The following SLC7A9 variants were observed in gnomAD, a reference collection of about 807,000 sequenced individuals.
SLC7A9 encodes solute carrier family 7 member 9.
A neutral mutation model predicts 54.1 loss-of-function variants in SLC7A9; 38 were observed. The ratio of observed to expected loss-of-function variants is 0.70; its 90% confidence interval spans 0.54 to 0.92. The LOEUF is 0.92. SLC7A9 is among the 40% of genes least tolerant of loss of function. SLC7A9 has a pLI of 0.00. For synonymous variants in SLC7A9, 264 were observed against 258.9 expected, an observed-to-expected ratio of 1.02 and a Z score of -0.19; for missense variants, 537 against 636.1, an observed-to-expected ratio of 0.84 and a Z score of 1.68.
At position 32,864,589 on chromosome 19, in the gene SLC7A9, C is replaced by A. The variant is rs576147406; in HGVS notation, c.235+40G>T. ...GTAGCAGCTGCCTGGCGTGCCCCTG[C>A]ATGCTTCCGGGGCTGCAACAGGCTC... is the stretch of plus-strand genomic sequence containing the variant. On this transcript the variant is annotated intron_variant, in intron 3 of 12. Transcript: ENST00000023064. 31 of 1,609,342 alleles carry A rather than the reference C, an allele frequency of 1.9e-5. 1 individual carries two copies. The Middle Eastern group carries it at 5.4e-4, about 28-fold the overall frequency.
chr19:32,850,911 C>G (rs907866289), intron 9 of SLC7A9, among the ~76,000 whole-genome samples: 21 of 152,238 alleles, frequency 1.4e-4, no homozygotes, highest in African/African-American at 4.3e-4. Flanking sequence ...CTGACAAAAA[C>G]AAGCAATGGG....
chr19:32,832,667 T>C, intron 12 of SLC7A9: 1 of 175,416 alleles, frequency 5.7e-6, no homozygotes, highest in Non-Finnish European at 1.2e-5. Flanking sequence ...GTCCCAGCAC[T>C]TTGGAGAGCC....
intron 4 of SLC7A9, among the ~76,000 whole-genome samples, chr19:32,863,386 C>T (rs1968864623): frequency 6.6e-6 from 1 of 152,122 alleles, no homozygotes; most frequent in African/African-American, 2.4e-5. Context: ...CTTGGTCTCC[C>T]AAAGTGCTAG....
At position 32,862,045 on chromosome 19, in the gene SLC7A9, A is replaced by G. The variant is rs1157342045; in HGVS notation, c.704+73T>C. 8.6e-6 allele frequency: 8 copies of G among 932,578 alleles called. No individual in the cohort carries two copies. In the African/African-American group the frequency reaches 1.3e-4, roughly 15 times the overall value. 57.8% of individuals were successfully genotyped at this position (932,578 alleles called of 1,614,324 possible). A position where few individuals can be genotyped will look rare whatever the true frequency, so the allele number is the denominator to read the frequency against. ...CAGAAAGGAGAACTCATTGTTTTCC[A>G]TGACAGGTGGAGTTAAAGTCACCTG... On this transcript the variant is annotated intron_variant, in intron 6 of 12. Transcript: ENST00000023064.
At chr19:32,862,357 G>T in intron 5 of SLC7A9, 104 bp downstream of exon 5, 1 of 1,543,544 alleles carries the variant, frequency 6.5e-7, no homozygotes, top group Non-Finnish European at 8.9e-7. Flanking sequence ...CCGAGTTCCT[G>T]CCATGCTTCC....
rs2287879 is a variant in SLC7A9, at chr19:32,858,582, T to C, written c.874-39A>G. The C allele has an allele frequency of 0.63, 977,095 of 1,541,286 alleles. 315,618 individuals carry two copies. The highest frequency in any genetic ancestry group is 0.91 in the African/African-American group (66,969 of 73,294). On this transcript the variant is annotated intron_variant, in intron 8 of 12. Coordinates refer to ENST00000023064, the MANE Select transcript of SLC7A9 (RefSeq NM_014270.5). ...CGAGATGAGTCCTGAGGGTCTTTCT[T>C]GGCCTCCAAGAGCGGCCGGCCCCCA...
intron 3 of SLC7A9, 126 bp from the exon 4 acceptor site, chr19:32,864,464 G>C (rs1427574957): frequency 8.6e-6 from 13 of 1,505,976 alleles, no homozygotes; most frequent in Non-Finnish European, 1.2e-5. Context: ...CTCGCTGGAC[G>C]GCCCTGAGCT....
rs141754100 is a variant in SLC7A9, at chr19:32,867,122, C to G, written c.87+1326G>C. ...CCTGGTAGATGCCTCTAAGACAGAA[C>G]AGGCTATGCTGGGGGCAGTACTTCC... On this transcript the variant is annotated intron_variant, in intron 2 of 12. Transcript: ENST00000023064. Among the ~76,000 whole-genome samples the G allele has an allele frequency of 2.9e-3, 443 of 152,360 alleles. 6 individuals carry two copies. The highest frequency in any genetic ancestry group is 9.8e-3 in the African/African-American group (408 of 41,594).
intron 12 of SLC7A9, 86 bp downstream of exon 12, chr19:32,833,063 A>G: frequency 7.9e-7 from 1 of 1,271,482 alleles, no homozygotes; most frequent in South Asian, 1.2e-5. Context: ...AGACACTGTG[A>G]CAGAGGTCTT....
chr19:32,850,321 A>T (rs886291024), intron 9 of SLC7A9, among the ~76,000 whole-genome samples: 1 of 149,288 alleles, frequency 6.7e-6, no homozygotes, highest in Non-Finnish European at 1.5e-5. Flanking sequence ...GCTGATAAGC[A>T]ACTTCAGCAA....
intron 11 of SLC7A9, among the ~76,000 whole-genome samples, chr19:32,837,961 A>G (rs1568513049): frequency 6.6e-6 from 1 of 152,222 alleles, no homozygotes; most frequent in Non-Finnish European, 1.5e-5. Context: ...AAAAATCCTA[A>G]TAAGCAGTCT....
intron 9 of SLC7A9, among the ~76,000 whole-genome samples, chr19:32,856,058 G>A (rs1367261177): frequency 1.3e-5 from 2 of 152,102 alleles, no homozygotes; most frequent in South Asian, 4.1e-4. Flanking sequence ...AAGGAAGAGG[G>A]GCCTGGGATG....
rs1192581495 is a variant in SLC7A9, at chr19:32,864,098, A to T, written c.476T>A (p.Ile159Asn). 6.2e-7 allele frequency: 1 copy of T among 1,614,126 alleles called. No individual in the cohort carries two copies. The highest frequency in any genetic ancestry group is 1.7e-5 in the Admixed American group (1 of 60,030). ...CTGCCCTGGGCTCAGGTACTCACAGATGGCGGCGGCGGCCAGGCATTTCAC... is the reference window on the plus strand; with the variant it reads ...CTGCCCTGGGCTCAGGTACTCACAGTTGGCGGCGGCGGCCAGGCATTTCAC... ...IVVKCLAAAAILFISTVNSLS... is the reference protein window; with the variant it reads ...IVVKCLAAAANLFISTVNSLS... The change falls in exon 4 of 13, where the codon ATC becomes AAC. Residue 159 changes from isoleucine to asparagine, a missense_variant and splice_region_variant. Transcript: ENST00000023064.
At chr19:32,836,305 T>G (rs1967958630) in intron 11 of SLC7A9, among the ~76,000 whole-genome samples, 1 of 152,194 alleles carries the variant, frequency 6.6e-6, no homozygotes, top group Non-Finnish European at 1.5e-5. Context: ...CGCCTTGGCC[T>G]CCCAAAATGC....
intron 9 of SLC7A9, among the ~76,000 whole-genome samples, chr19:32,855,422 G>A (rs982612151): frequency 3.9e-5 from 6 of 152,104 alleles, no homozygotes; most frequent in Middle Eastern, 3.2e-3. Flanking sequence ...AAATGCAGCC[G>A]GGCGCGGTGG....
chr19:32,844,096 G>C, intron 9 of SLC7A9, 145 bp from the exon 10 acceptor site: 1 of 700,656 alleles, frequency 1.4e-6, no homozygotes, highest in Non-Finnish European at 2.6e-6. Context: ...TTCAGATGGG[G>C]GTCTGTCTTC....
At chr19:32,852,007 T>A (rs1294045763) in intron 9 of SLC7A9, among the ~76,000 whole-genome samples, 1 of 146,124 alleles carries the variant, frequency 6.8e-6, no homozygotes, top group Non-Finnish European at 1.5e-5. Flanking sequence ...AACATCACAC[T>A]CCGGGGACTG....
chr19:32,864,712 G>A lies in SLC7A9; in HGVS notation c.152C>T (p.Ser51Phe), dbSNP rs1568532436. Reference protein sequence around the residue: ...GTIIGSGIFVSPKSVLSNTEA... With the variant: ...GTIIGSGIFVFPKSVLSNTEA... ...CGTGTTGCTGAGCACAGACTTGGGG[G>A]AAACGAAGATCCCAGAGCCAATGAT... is the stretch of plus-strand genomic sequence containing the variant. Residue 51 changes from serine (S) to phenylalanine (F), a missense_variant, in exon 3 of 13, where the codon TCC (serine) becomes TTC (phenylalanine). Physicochemically the swap from Ser to Phe is radical, Grantham distance 155. Transcript: ENST00000023064. The A allele has an allele frequency of 3.7e-6, 6 of 1,614,084 alleles. No individual in the cohort carries two copies. The highest frequency in any genetic ancestry group is 1.7e-5 in the Admixed American group (1 of 59,998).
intron 9 of SLC7A9, among the ~76,000 whole-genome samples, chr19:32,852,844 AAGG>A (rs1469632678): frequency 1.3e-5 from 2 of 151,922 alleles, no homozygotes; most frequent in Admixed American, 1.3e-4. Context: ...CTAAACAGAC[AAGG>A]AGAAGTCTGA....
Sources: gnomAD v4.1 joint callset for allele counts (sites outside exome capture counted in the v4.1 genomes callset) on GRCh38, gnomAD v4.1.1 for gene constraint, MANE v1.5 for transcripts, NCBI Gene and HGNC (gene_info 2026-07-23, HGNC 2026-07-21) for gene names.